The following PPP2R5E variants were observed in gnomAD, a reference collection of about 807,000 sequenced individuals.
The protein encoded by PPP2R5E is serine/threonine-protein phosphatase 2A 56 kDa regulatory subunit epsilon isoform.
PPP2R5E carries 4 observed loss-of-function variants against 65.3 expected under a neutral mutation model. The observed-to-expected ratio is 0.06, with a 90% CI of 0.03 to 0.14. PPP2R5E has a LOEUF of 0.14. Among genes scored for constraint, PPP2R5E ranks in the 10% least tolerant of loss-of-function variants. The pLI is 1.00. For synonymous variants in PPP2R5E, 183 were observed against 187.4 expected, an observed-to-expected ratio of 0.98 and a Z score of 0.19; for missense variants, 274 against 556.1, an observed-to-expected ratio of 0.49 and a Z score of 5.10.
intron 2 of PPP2R5E, among the ~76,000 whole-genome samples, chr14:63,513,860 C>T (rs1892557732): frequency 6.6e-6 from 1 of 152,086 alleles, no homozygotes; most frequent in African/African-American, 2.4e-5. Flanking sequence ...GCAAGAGGGG[C>T]CAGGGTAAGA....
chr14:63,400,426 A>AT (rs1885679512), intron 5 of PPP2R5E, among the ~76,000 whole-genome samples: 1 of 152,212 alleles, frequency 6.6e-6, no homozygotes, highest in East Asian at 1.9e-4. Context: ...TAGAAGTGGG[A>AT]TATGAGTGCT....
intron 2 of PPP2R5E, among the ~76,000 whole-genome samples, chr14:63,464,950 G>C (rs925061912): frequency 6.6e-6 from 1 of 151,836 alleles, no homozygotes; most frequent in African/African-American, 2.4e-5. Context: ...TCAAACCCAG[G>C]AGGCAGAGGT....
At chr14:63,414,811 G>A (rs772058797) in intron 5 of PPP2R5E, among the ~76,000 whole-genome samples, 2 of 152,130 alleles carry the variant, frequency 1.3e-5, no homozygotes, top group Non-Finnish European at 2.9e-5. Context: ...TTACGCAAAT[G>A]TAAGTCTTTA....
intron 5 of PPP2R5E, among the ~76,000 whole-genome samples, chr14:63,397,502 TAAAAAAAAAA>T (rs1163450765): frequency 2.4e-4 from 15 of 62,286 alleles, no homozygotes; most frequent in Non-Finnish European, 3.9e-4. Context: ...ATTCGGTCTT[TAAAAAAAAAA>T]AAAAAAAAAA....
intron 2 of PPP2R5E, among the ~76,000 whole-genome samples, chr14:63,501,192 G>A (rs1442849554): frequency 1.3e-5 from 2 of 152,090 alleles, no homozygotes; most frequent in Non-Finnish European, 2.9e-5. Flanking sequence ...CAGGTCAGGA[G>A]ATCGAGACTA....
intron 3 of PPP2R5E, among the ~76,000 whole-genome samples, chr14:63,446,718 A>G (rs956950853): frequency 6.6e-6 from 1 of 151,310 alleles, no homozygotes; most frequent in African/African-American, 2.4e-5. Flanking sequence ...AGTCTCAGCT[A>G]CTCGGGAGGC....
intron 3 of PPP2R5E, among the ~76,000 whole-genome samples, chr14:63,424,700 G>C (rs929886008): frequency 6.8e-5 from 10 of 147,956 alleles, no homozygotes; most frequent in African/African-American, 2.5e-4. Context: ...GCAGTGAGCC[G>C]AGATCTCACC....
intron 4 of PPP2R5E, among the ~76,000 whole-genome samples, chr14:63,420,259 T>A (rs1275057869): frequency 2.6e-5 from 4 of 152,190 alleles, no homozygotes; most frequent in African/African-American, 9.7e-5. Flanking sequence ...TTTTTGTTGT[T>A]GTTAAGTTTC....
chr14:63,407,528 AT>A (rs551684616), intron 5 of PPP2R5E, among the ~76,000 whole-genome samples: 294 of 150,034 alleles, frequency 2.0e-3, no homozygotes, highest in African/African-American at 7.1e-3. Flanking sequence ...TTTTATTCTT[AT>A]TGATTACAAC....
At chr14:63,542,098 T>G (rs1893925816) in intron 1 of PPP2R5E, among the ~76,000 whole-genome samples, 1 of 152,190 alleles carries the variant, frequency 6.6e-6, no homozygotes, top group Admixed American at 6.5e-5. Context: ...TTTCGTCTCT[T>G]CTTTATTCCT....
At chr14:63,505,114 CA>C (rs1473630181) in intron 2 of PPP2R5E, among the ~76,000 whole-genome samples, 15 of 152,126 alleles carry the variant, frequency 9.9e-5, no homozygotes, top group African/African-American at 3.4e-4. Context: ...ACAGGCGGAT[CA>C]TTTGAGGTCA....
At chr14:63,523,550 T>C (rs1893060769) in intron 2 of PPP2R5E, among the ~76,000 whole-genome samples, 1 of 151,002 alleles carries the variant, frequency 6.6e-6, no homozygotes, top group Admixed American at 6.6e-5. Context: ...TAATCTCAAG[T>C]ACCCAGGGAC....
At position 63,421,999 on chromosome 14, in the gene PPP2R5E, G is replaced by A. The variant is rs940936932; in HGVS notation, c.450C>T (p.His150=). Residue 150 remains histidine, a synonymous_variant, in exon 4 of 14, where the codon CAC becomes CAT. Transcript: ENST00000337537. The part of the protein sequence containing the change: ...DEPTLEASWP[H]LQLVYEFFIR... ...AAATGGTATTTCAAAGTACCTGTAA[G>A]TGTGGCCACGATGCCTCAAGGGTAG... 6.2e-7 allele frequency: 1 copy of A among 1,605,078 alleles called. No homozygotes were observed. The highest frequency in any genetic ancestry group is 8.5e-7 in the Non-Finnish European group (1 of 1,171,796).
At chr14:63,481,265 G>C (rs1890682686) in intron 2 of PPP2R5E, among the ~76,000 whole-genome samples, 1 of 152,264 alleles carries the variant, frequency 6.6e-6, no homozygotes, top group East Asian at 1.9e-4. Context: ...GGGAGGCCGA[G>C]GCGGGTGAAT....
At chr14:63,506,685 C>A (rs989552227) in intron 2 of PPP2R5E, among the ~76,000 whole-genome samples, 1 of 152,112 alleles carries the variant, frequency 6.6e-6, no homozygotes, top group Non-Finnish European at 1.5e-5. Context: ...ATCCCTCATA[C>A]CTTCCTGGTG....
At chr14:63,460,188 T>G (rs1889375148) in intron 2 of PPP2R5E, among the ~76,000 whole-genome samples, 1 of 152,210 alleles carries the variant, frequency 6.6e-6, no homozygotes, top group Admixed American at 6.5e-5. Context: ...ACTAAGCTCC[T>G]GACACACATT....
At chr14:63,538,674 G>A (rs1893771018) in intron 2 of PPP2R5E, among the ~76,000 whole-genome samples, 1 of 151,878 alleles carries the variant, frequency 6.6e-6, no homozygotes, top group Non-Finnish European at 1.5e-5. Context: ...GCCAGGCACG[G>A]TGGCTCACAC....
chr14:63,489,769 G>A (rs1457804760), intron 2 of PPP2R5E, among the ~76,000 whole-genome samples: 2 of 150,806 alleles, frequency 1.3e-5, no homozygotes, highest in Non-Finnish European at 3.0e-5. Flanking sequence ...GATTTAGAAC[G>A]TTTCTATCAT....
chr14:63,460,732 C>CA (rs2139507505), intron 2 of PPP2R5E, among the ~76,000 whole-genome samples: 1 of 152,232 alleles, frequency 6.6e-6, no homozygotes, highest in South Asian at 2.1e-4. Flanking sequence ...CAAAAGCTAA[C>CA]AATATGCTCT....
Sources: allele counts gnomAD v4.1 joint callset (sites outside exome capture counted in the v4.1 genomes callset), GRCh38; gene constraint gnomAD v4.1.1; transcripts MANE v1.5; gene names NCBI Gene and HGNC (gene_info 2026-07-23, HGNC 2026-07-21).